PDE4B: variants seen among roughly 807,000 people sequenced by gnomAD.
PDE4B encodes the protein 3',5'-cyclic-AMP phosphodiesterase 4B.
PDE4B carries 20 observed loss-of-function variants against 82.2 expected under a neutral mutation model. That is an observed-to-expected ratio of 0.24 (90% CI 0.17 to 0.35). PDE4B has a LOEUF of 0.35. Ranked by LOEUF, PDE4B falls within the 10% of genes least tolerant of loss-of-function variation. PDE4B has a pLI of 1.00. For synonymous variants in PDE4B, 320 were observed against 318.9 expected (o/e 1.00, Z -0.04); for missense variants, 655 against 907.2 (o/e 0.72, Z 3.57).
At chr1:66,219,863 C>T (rs1001985366) in intron 3 of PDE4B, among the ~76,000 whole-genome samples, 1 of 152,138 alleles carries the variant, frequency 6.6e-6, no homozygotes, top group Non-Finnish European at 1.5e-5. Context: ...GTAGTTACCA[C>T]ATCTGTAAGG....
In PDE4B at chr1:66,266,007, GACTCAGTCCTTC is replaced by G. The variant is rs759703832; in HGVS notation, c.585-30_585-19del. On this transcript the variant is annotated intron_variant, in intron 6 of 16. Transcript: ENST00000341517. ...GTGGAATGGGCAGTTTTGATACACA[GACTCAGTCCTTC>G]TTTTCTCTGTCTCCACAGGAGGTCC... 6.3e-7 allele frequency: 1 copy of G among 1,590,872 alleles called. No homozygotes were observed. The highest frequency in any genetic ancestry group is 1.3e-5 in the African/African-American group (1 of 74,394).
chr1:65,810,740 T>A (rs1397392692), intron 1 of PDE4B, among the ~76,000 whole-genome samples: 1 of 152,162 alleles, frequency 6.6e-6, no homozygotes, highest in Non-Finnish European at 1.5e-5. Flanking sequence ...AGACTTTTTC[T>A]TAAAGGGTTA....
At chr1:66,304,336 T>C (rs1355113846) in intron 7 of PDE4B, among the ~76,000 whole-genome samples, 1 of 152,110 alleles carries the variant, frequency 6.6e-6, no homozygotes, top group Non-Finnish European at 1.5e-5. Flanking sequence ...AACTAAGAAG[T>C]GGACCACCAT....
intron 3 of PDE4B, among the ~76,000 whole-genome samples, chr1:66,228,695 C>G (rs986111244): frequency 1.3e-5 from 2 of 151,164 alleles, no homozygotes; most frequent in Non-Finnish European, 2.9e-5. Flanking sequence ...ACAAGAAGTT[C>G]AAGGGTAGAT....
At chr1:66,369,112 A>G in intron 16 of PDE4B, 143 bp downstream of exon 16, 1 of 607,432 alleles carries the variant, frequency 1.6e-6, no homozygotes, top group Admixed American at 3.5e-5. Context: ...CATTATAGTC[A>G]GGACTCATGC....
chr1:66,350,157 C>A (rs949493376), intron 8 of PDE4B, among the ~76,000 whole-genome samples: 3 of 151,880 alleles, frequency 2.0e-5, no homozygotes, highest in Admixed American at 2.0e-4. Flanking sequence ...TCCTGATGCC[C>A]GGGAATTCTT....
chr1:65,856,322 T>G (rs1394269436), intron 1 of PDE4B, among the ~76,000 whole-genome samples: 1 of 152,156 alleles, frequency 6.6e-6, no homozygotes, highest in African/African-American at 2.4e-5. Context: ...GTCCTAATGC[T>G]CTTCCTCTCT....
intron 3 of PDE4B, among the ~76,000 whole-genome samples, chr1:66,095,181 A>G (rs1382670398): frequency 6.6e-6 from 1 of 151,976 alleles, no homozygotes; most frequent in Admixed American, 6.6e-5. Context: ...AGTAGAGTGT[A>G]CATAGACTTT....
At chr1:66,227,547 C>A (rs185423805) in intron 3 of PDE4B, among the ~76,000 whole-genome samples, 9 of 152,250 alleles carry the variant, frequency 5.9e-5, no homozygotes, top group Admixed American at 5.2e-4. Flanking sequence ...CTGAGATATG[C>A]CTTTTGTATA....
At chr1:66,075,723 C>G (rs1411175209) in intron 3 of PDE4B, among the ~76,000 whole-genome samples, 2 of 152,024 alleles carry the variant, frequency 1.3e-5, no homozygotes, top group Non-Finnish European at 2.9e-5. Context: ...TGGCACCATG[C>G]AACGGGAAGA....
chr1:65,915,110 G>T (rs1019665007), intron 2 of PDE4B, among the ~76,000 whole-genome samples: 1 of 152,018 alleles, frequency 6.6e-6, no homozygotes, highest in Admixed American at 6.6e-5. Context: ...CTTTTTAAAT[G>T]TATCTACTAG....
intron 1 of PDE4B, among the ~76,000 whole-genome samples, chr1:65,873,444 C>A (rs1423694103): frequency 1.3e-5 from 2 of 152,094 alleles, no homozygotes; most frequent in Admixed American, 6.6e-5. Context: ...GAAAATAAGA[C>A]CAAGATGGTA....
intron 8 of PDE4B, among the ~76,000 whole-genome samples, chr1:66,344,395 C>A (rs887905494): frequency 6.6e-6 from 1 of 152,112 alleles, no homozygotes; most frequent in African/African-American, 2.4e-5. Flanking sequence ...ATTTAAAAAT[C>A]AGTATCATTT....
intron 6 of PDE4B, among the ~76,000 whole-genome samples, chr1:66,265,510 C>G (rs1654965518): frequency 6.6e-6 from 1 of 152,114 alleles, no homozygotes; most frequent in South Asian, 2.1e-4. Context: ...AAATTCTGTT[C>G]CCTAAGTAAA....
chr1:66,021,126 G>T (rs1348302220), intron 3 of PDE4B, among the ~76,000 whole-genome samples: 1 of 152,148 alleles, frequency 6.6e-6, no homozygotes, highest in African/African-American at 2.4e-5. Context: ...TTTGAGAATT[G>T]TCTGTTTATA....
chr1:66,296,946 G>A (rs1196146302), intron 7 of PDE4B, among the ~76,000 whole-genome samples: 1 of 152,180 alleles, frequency 6.6e-6, no homozygotes, highest in Non-Finnish European at 1.5e-5. Flanking sequence ...TGTAGAAACA[G>A]TTGCCTTTCG....
chr1:66,106,215 G>T (rs1645351738), intron 3 of PDE4B, among the ~76,000 whole-genome samples: 1 of 152,032 alleles, frequency 6.6e-6, no homozygotes, highest in African/African-American at 2.4e-5. Flanking sequence ...TTTGTCTTTG[G>T]TTCTGTTTAT....
chr1:66,118,043 G>A (rs1645632425), intron 3 of PDE4B, among the ~76,000 whole-genome samples: 1 of 152,056 alleles, frequency 6.6e-6, no homozygotes, highest in African/African-American at 2.4e-5. Flanking sequence ...ATTTTGATTT[G>A]CATTTCTCTG....
At chr1:66,081,224 A>G (rs1656704418) in intron 3 of PDE4B, among the ~76,000 whole-genome samples, 1 of 152,126 alleles carries the variant, frequency 6.6e-6, no homozygotes, top group South Asian at 2.1e-4. Flanking sequence ...AAGGCATCTA[A>G]CATTGGCATC....
Sources: allele counts gnomAD v4.1 joint callset (sites outside exome capture counted in the v4.1 genomes callset), GRCh38; gene constraint gnomAD v4.1.1; transcripts MANE v1.5; gene names NCBI Gene and HGNC (gene_info 2026-07-23, HGNC 2026-07-21).